The following SDK1 variants were observed in gnomAD, a reference collection of about 807,000 sequenced individuals.
The protein encoded by SDK1 is protein sidekick-1.
Under a neutral mutation model 245.5 loss-of-function variants are expected in SDK1, and 157 were observed. The ratio of observed to expected loss-of-function variants is 0.64; its 90% confidence interval spans 0.56 to 0.73. SDK1 has a LOEUF of 0.73. SDK1 is among the 30% of genes least tolerant of loss of function. SDK1 has a pLI of 0.00. For missense variants in SDK1, 3,583 were observed against 3,002.3 expected (o/e 1.19, Z -4.52); for synonymous variants, 1,647 against 1,278.5 (o/e 1.29, Z -6.15).
At chr7:3,953,658 C>T (rs180986821) in intron 7 of SDK1, among the ~76,000 whole-genome samples, 29 of 152,282 alleles carry the variant, frequency 1.9e-4, no homozygotes, top group Admixed American at 3.9e-4. Context: ...TCCCTTTAAA[C>T]GAGAATGTTT....
At chr7:3,655,301 C>A (rs979053252) in intron 4 of SDK1, among the ~76,000 whole-genome samples, 1 of 150,550 alleles carries the variant, frequency 6.6e-6, no homozygotes, top group Non-Finnish European at 1.5e-5. Flanking sequence ...GACGTGGTGG[C>A]GGGTGCTTGT....
chr7:3,605,840 A>T (rs531523841), intron 1 of SDK1, among the ~76,000 whole-genome samples: 1 of 152,080 alleles, frequency 6.6e-6, no homozygotes, highest in Non-Finnish European at 1.5e-5. Flanking sequence ...CTTCTGATCA[A>T]ATTAAGTTGT....
intron 17 of SDK1, among the ~76,000 whole-genome samples, chr7:4,025,161 G>A (rs910694559): frequency 2.0e-5 from 3 of 152,142 alleles, no homozygotes; most frequent in African/African-American, 7.2e-5. Flanking sequence ...TGTGACCACG[G>A]AATTGATTTC....
intron 1 of SDK1, among the ~76,000 whole-genome samples, chr7:3,544,530 G>A (rs1258411078): frequency 6.6e-6 from 1 of 152,208 alleles, no homozygotes; most frequent in Non-Finnish European, 1.5e-5. Flanking sequence ...TGAGTCGTTG[G>A]CCTAATGATG....
intron 2 of SDK1, among the ~76,000 whole-genome samples, chr7:3,624,102 T>G (rs1427873061): frequency 6.6e-6 from 1 of 152,230 alleles, no homozygotes; most frequent in Admixed American, 6.5e-5. Flanking sequence ...GATACTTATG[T>G]AGGAAACCCA....
Position 4,265,882 on chromosome 7 carries a change from C to T in SDK1, c.*498C>T, listed in dbSNP as rs1788437918. The stretch of plus-strand genomic sequence containing the variant: ...CGGCTCCTGGGGTTTGAAGAGCAAA[C>T]GTTTTTCCCTGGGCTCAGTGCGTTT... On this transcript the variant is annotated 3_prime_UTR_variant, in exon 45 of 45. Coordinates refer to ENST00000404826, the MANE Select transcript of SDK1 (RefSeq NM_152744.4). 3.0e-6 allele frequency: 3 copies of T among 987,362 alleles called. No individual in the cohort carries two copies. The highest frequency in any genetic ancestry group is 3.6e-6 in the Non-Finnish European group (3 of 831,416). The allele number at this position is 987,362 out of a possible 1,614,324, so 61.2% of individuals were successfully genotyped here. A position where few individuals can be genotyped will look rare whatever the true frequency, so the allele number is the denominator to read the frequency against.
At chr7:3,620,324 C>T (rs1051370519) in intron 2 of SDK1, among the ~76,000 whole-genome samples, 79 of 150,200 alleles carry the variant, frequency 5.3e-4, no homozygotes, top group Non-Finnish European at 5.5e-4. Context: ...TAATTTGAGA[C>T]GGAGTTTCAC....
intron 25 of SDK1, among the ~76,000 whole-genome samples, chr7:4,124,888 A>ATTGG (rs1352844101): frequency 9.0e-5 from 13 of 144,346 alleles, no homozygotes; most frequent in Non-Finnish European, 1.7e-4. Context: ...AGATGAATGG[A>ATTGG]TGGGTGGATG....
At chr7:3,337,438 A>G (rs567115277) in intron 1 of SDK1, among the ~76,000 whole-genome samples, 1 of 151,672 alleles carries the variant, frequency 6.6e-6, no homozygotes, top group South Asian at 2.1e-4. Context: ...TTGCAGTTTC[A>G]GAAGGAAAGA....
intron 1 of SDK1, among the ~76,000 whole-genome samples, chr7:3,579,864 C>G (rs1476945048): frequency 1.3e-5 from 2 of 152,196 alleles, no homozygotes; most frequent in Non-Finnish European, 1.5e-5. Context: ...TGGGTAAAGT[C>G]TGCCACACCC....
At chr7:3,395,262 G>C (rs1347037401) in intron 1 of SDK1, among the ~76,000 whole-genome samples, 1 of 151,846 alleles carries the variant, frequency 6.6e-6, no homozygotes, top group Non-Finnish European at 1.5e-5. Context: ...GTATTAATAT[G>C]ATGCATTACT....
At position 4,178,657 on chromosome 7, in the gene SDK1, G is replaced by A. The variant is rs567070842; in HGVS notation, c.5098+71G>A. ...TGGTGGGGACAGCCAGGCACGCTGC[G>A]GCCAAGCCCCTCAGGTGTCCAGCAG... On this transcript the variant is annotated intron_variant, in intron 35 of 44. Coordinates refer to ENST00000404826, the MANE Select transcript of SDK1 (RefSeq NM_152744.4). The A allele has an allele frequency of 1.6e-4, 181 of 1,104,880 alleles. No homozygotes were observed. In the East Asian group the frequency reaches 2.3e-3, roughly 14 times the overall value. 68.4% of individuals were successfully genotyped at this position (1,104,880 alleles called of 1,614,324 possible).
chr7:3,390,796 T>G (rs1407405123), intron 1 of SDK1, among the ~76,000 whole-genome samples: 1 of 152,178 alleles, frequency 6.6e-6, no homozygotes, highest in Non-Finnish European at 1.5e-5. Context: ...TACTGAAACT[T>G]GATCTTGGAC....
At chr7:3,632,998 A>C (rs1782343340) in intron 2 of SDK1, among the ~76,000 whole-genome samples, 1 of 152,228 alleles carries the variant, frequency 6.6e-6, no homozygotes, top group South Asian at 2.1e-4. Flanking sequence ...ATTATTTATC[A>C]TGCCATTCCA....
rs74907693 is a variant in SDK1, at chr7:3,330,483, C to A, written c.298+28599C>A. 4.2e-3 allele frequency among the ~76,000 whole-genome samples: 637 copies of A among 152,188 alleles called. 8 individuals carry two copies. Among genetic ancestry groups the A allele is most frequent in the African/African-American group, 0.015 (603 of 41,514 alleles). On this transcript the variant is annotated intron_variant, in intron 1 of 44. Coordinates refer to ENST00000404826, the MANE Select transcript of SDK1 (RefSeq NM_152744.4). ...TAGATAAAGGTCATCAGGGTGAGGC[C>A]TCCATGATGAGACTGTTGGCTTTGT...
chr7:3,501,021 T>C (rs1299857557), intron 1 of SDK1, among the ~76,000 whole-genome samples: 1 of 152,174 alleles, frequency 6.6e-6, no homozygotes, highest in African/African-American at 2.4e-5. Context: ...CTTTCTTCTT[T>C]ATTACTGTTT....
intron 1 of SDK1, among the ~76,000 whole-genome samples, chr7:3,413,622 C>T (rs942220195): frequency 4.6e-5 from 7 of 151,980 alleles, no homozygotes; most frequent in African/African-American, 9.7e-5. Context: ...ACCCAGGGGG[C>T]GGTGGTTGCC....
intron 44 of SDK1, among the ~76,000 whole-genome samples, chr7:4,248,221 C>T (rs997888395): frequency 8.5e-5 from 13 of 152,068 alleles, no homozygotes; most frequent in Non-Finnish European, 1.9e-4. Flanking sequence ...AATACATGCA[C>T]ACACCTGCAT....
At chr7:3,591,241 C>T (rs1780863808) in intron 1 of SDK1, among the ~76,000 whole-genome samples, 1 of 152,162 alleles carries the variant, frequency 6.6e-6, no homozygotes, top group Non-Finnish European at 1.5e-5. Flanking sequence ...ATAAGGATTA[C>T]CTTTTTCCTT....
Sources: allele counts gnomAD v4.1 joint callset (sites outside exome capture counted in the v4.1 genomes callset), GRCh38; gene constraint gnomAD v4.1.1; transcripts MANE v1.5; gene names NCBI Gene and HGNC (gene_info 2026-07-23, HGNC 2026-07-21).